Variants in CHL1 observed in about 807,000 individuals in gnomAD.
CHL1 encodes the protein neural cell adhesion molecule L1-like protein.
CHL1 carries 96 observed loss-of-function variants against 141.9 expected under a neutral mutation model. That is an observed-to-expected ratio of 0.68 (90% CI 0.57 to 0.80). The LOEUF (loss-of-function observed/expected upper bound fraction) is 0.80, where lower values mean the gene tolerates loss of function less well. CHL1 is among the 30% of genes least tolerant of loss of function. CHL1 has a pLI of 0.00. For synonymous variants in CHL1, 613 were observed against 502.2 expected (o/e 1.22, Z -2.95); for missense variants, 1,820 against 1,457.2 (o/e 1.25, Z -4.05).
chr3:379,528 C>T (rs1706764565), intron 16 of CHL1, among the ~76,000 whole-genome samples: 2 of 152,128 alleles, frequency 1.3e-5, no homozygotes. Context: ...GGGTAAGTGT[C>T]AGGCTCCGTG....
At chr3:297,739 G>A (rs978345682) in intron 2 of CHL1, among the ~76,000 whole-genome samples, 2 of 152,174 alleles carry the variant, frequency 1.3e-5, no homozygotes, top group Non-Finnish European at 2.9e-5. Context: ...GAGATGATCT[G>A]AGCTTAAGCT....
intron 2 of CHL1, among the ~76,000 whole-genome samples, chr3:259,551 G>C (rs1694510545): frequency 6.6e-6 from 1 of 152,074 alleles, no homozygotes; most frequent in African/African-American, 2.4e-5. Flanking sequence ...CATCTTATCA[G>C]GGAGGCCTTT....
chr3:372,588 A>G (rs970981342), intron 15 of CHL1, among the ~76,000 whole-genome samples: 1 of 152,086 alleles, frequency 6.6e-6, no homozygotes, highest in Non-Finnish European at 1.5e-5. Flanking sequence ...TTTATTACCC[A>G]TCCTCTGAAG....
At chr3:394,282 T>C (rs1708485196) in intron 23 of CHL1, among the ~76,000 whole-genome samples, 1 of 152,146 alleles carries the variant, frequency 6.6e-6, no homozygotes, top group East Asian at 1.9e-4. Flanking sequence ...CAATTATTCT[T>C]CCAAAAGGAA....
rs553085932 is a variant in CHL1 at position 343,720 on chromosome 3, A to C, written c.727+689A>C. 3.3e-5 allele frequency among the ~76,000 whole-genome samples: 5 copies of C among 152,272 alleles called. No individual in the cohort carries two copies. The South Asian group carries it at 8.3e-4, about 25-fold the overall frequency. The stretch of plus-strand genomic sequence containing the variant: ...AGATACCTTGCATACTTGCAAGTTC[A>C]GTGGAGGAGGATGTAAGCTCCTTTT... On this transcript the variant is annotated intron_variant, in intron 8 of 27. Coordinates refer to ENST00000256509, the MANE Select transcript of CHL1 (RefSeq NM_006614.4).
chr3:373,441 T>C lies in CHL1; in HGVS notation c.1752-4377T>C, dbSNP rs568410817. On this transcript the variant is annotated intron_variant, in intron 15 of 27. Coordinates refer to ENST00000256509, the MANE Select transcript of CHL1 (RefSeq NM_006614.4). Reference sequence around the variant, plus strand: ...GGTGTGTTGGGCTGTGGGGGACGTGTCTTGGGACCAAGCCATCCAGCCTCC... The same window carrying C: ...GGTGTGTTGGGCTGTGGGGGACGTGCCTTGGGACCAAGCCATCCAGCCTCC... 2.0e-5 allele frequency among the ~76,000 whole-genome samples: 3 copies of C among 152,348 alleles called. No homozygotes were observed. In the East Asian group the frequency reaches 5.8e-4, roughly 29 times the overall value.
At chr3:259,295 T>A (rs1694479646) in intron 2 of CHL1, among the ~76,000 whole-genome samples, 2 of 151,460 alleles carry the variant, frequency 1.3e-5, no homozygotes, top group African/African-American at 2.4e-5. Context: ...TGCTTGTGTG[T>A]GTGCGTGCTT....
intron 26 of CHL1, among the ~76,000 whole-genome samples, chr3:401,304 T>C (rs1466998594): frequency 6.6e-6 from 1 of 152,240 alleles, no homozygotes; most frequent in Non-Finnish European, 1.5e-5. Flanking sequence ...TTTAGTAATT[T>C]GGTCTTCACT....
intron 1 of CHL1, among the ~76,000 whole-genome samples, chr3:238,742 T>C (rs1692237365): frequency 1.3e-5 from 2 of 148,368 alleles, no homozygotes; most frequent in Admixed American, 6.8e-5. Flanking sequence ...CTAGCTAACA[T>C]GGTGAAACCC....
intron 2 of CHL1, among the ~76,000 whole-genome samples, chr3:255,486 T>TTGTTTGACAACGGG (rs144500314): frequency 0.17 from 25,170 of 148,022 alleles, 2,344 homozygotes; most frequent in East Asian, 0.39. Flanking sequence ...TGACAGCCTT[T>TTGTTTGACAACGGG]TGGTGTCTTT....
At chr3:395,450 C>T (rs988456604) in intron 24 of CHL1, among the ~76,000 whole-genome samples, 1 of 152,180 alleles carries the variant, frequency 6.6e-6, no homozygotes, top group African/African-American at 2.4e-5. Flanking sequence ...TACCTTTAAC[C>T]ATTTCCTTTC....
intron 2 of CHL1, among the ~76,000 whole-genome samples, chr3:263,884 T>C (rs574125762): frequency 1.9e-4 from 29 of 152,340 alleles, no homozygotes; most frequent in African/African-American, 6.7e-4. Flanking sequence ...AATATATTCA[T>C]GTGCTGTGCC....
At chr3:239,356 T>C (rs1013152973) in intron 1 of CHL1, among the ~76,000 whole-genome samples, 2 of 152,200 alleles carry the variant, frequency 1.3e-5, no homozygotes, top group African/African-American at 4.8e-5. Context: ...TTGATTAGCT[T>C]ACGATCGCAC....
intron 1 of CHL1, among the ~76,000 whole-genome samples, chr3:226,880 G>A (rs954051896): frequency 3.9e-5 from 6 of 152,066 alleles, no homozygotes; most frequent in Non-Finnish European, 8.8e-5. Context: ...CTTCATATAG[G>A]AGAGTTTTCA....
chr3:255,752 A>G (rs892052044), intron 2 of CHL1, among the ~76,000 whole-genome samples: 4 of 152,132 alleles, frequency 2.6e-5, no homozygotes, highest in African/African-American at 9.7e-5. Context: ...TTGACTGCCT[A>G]TTGCCATTGC....
intron 1 of CHL1, among the ~76,000 whole-genome samples, chr3:232,555 T>A (rs914502863): frequency 3.8e-4 from 58 of 152,188 alleles, no homozygotes; most frequent in African/African-American, 1.3e-3. Flanking sequence ...CTCTGCTGAT[T>A]AGCTATTTAT....
intron 15 of CHL1, among the ~76,000 whole-genome samples, chr3:368,759 T>G (rs1243442143): frequency 1.3e-5 from 2 of 152,232 alleles, no homozygotes; most frequent in African/African-American, 4.8e-5. Flanking sequence ...TCATCTTGAA[T>G]TAATTTTTGT....
intron 27 of CHL1, among the ~76,000 whole-genome samples, chr3:403,724 G>A (rs1055429138): frequency 2.0e-5 from 3 of 152,084 alleles, no homozygotes; most frequent in Non-Finnish European, 4.4e-5. Context: ...TATTTCCTAT[G>A]ACATCCCTTT....
rs139892128 is a variant in CHL1, at chr3:405,530, G to A, written c.3494G>A (p.Arg1165Gln). Reference sequence around the variant, plus strand: ...GAAAAGCCTCTCAAAGGAAGCCTTCGGTCCCTTAATAGGGATATGCAGCCT... The same window carrying A: ...GAAAAGCCTCTCAAAGGAAGCCTTCAGTCCCTTAATAGGGATATGCAGCCT... ...SDEKPLKGSL[R>Q]SLNRDMQPTE... The change falls in exon 28 of 28, where the codon CGG (arginine) becomes CAG (glutamine). Residue 1165 changes from arginine (R) to glutamine (Q), a missense_variant. Arg to Gln is a conservative substitution (Grantham distance 43). Coordinates refer to ENST00000256509, the MANE Select transcript of CHL1 (RefSeq NM_006614.4). 5.0e-6 allele frequency: 8 copies of A among 1,612,810 alleles called. No homozygotes were observed. The highest frequency in any genetic ancestry group is 3.3e-5 in the South Asian group (3 of 91,010).
Sources: allele counts gnomAD v4.1 joint callset (sites outside exome capture counted in the v4.1 genomes callset), GRCh38; gene constraint gnomAD v4.1.1; transcripts MANE v1.5; gene names NCBI Gene and HGNC (gene_info 2026-07-23, HGNC 2026-07-21).